Variants in DLG2 observed in about 807,000 individuals in gnomAD.
The protein encoded by DLG2 is discs large MAGUK scaffold protein 2, also known as disks large homolog 2.
A neutral mutation model predicts 132.5 loss-of-function variants in DLG2; 45 were observed. That is an observed-to-expected ratio of 0.34 (90% CI 0.27 to 0.44). DLG2 has a LOEUF of 0.44. Among genes scored for constraint, DLG2 ranks in the 20% least tolerant of loss-of-function variants. The probability of loss-of-function intolerance (pLI) is 1.00; values close to 1 mark genes in which losing one functional copy is unlikely to be tolerated. For missense variants in DLG2, 1,045 were observed against 1,196.9 expected (o/e 0.87, Z 1.87); for synonymous variants, 424 against 419.6 (o/e 1.01, Z -0.13).
intron 6 of DLG2, among the ~76,000 whole-genome samples, chr11:84,644,503 G>A (rs1019537501): frequency 2.0e-5 from 3 of 151,728 alleles, no homozygotes; most frequent in Non-Finnish European, 2.9e-5. Context: ...TCAGGAGATC[G>A]AGACCATCCT....
At chr11:84,625,861 C>G (rs529832859) in intron 6 of DLG2, among the ~76,000 whole-genome samples, 35 of 152,186 alleles carry the variant, frequency 2.3e-4, no homozygotes, top group African/African-American at 8.4e-4. Context: ...AGAGAATAAC[C>G]ACAAGTGCAG....
chr11:84,415,122 T>C (rs2154460496), intron 7 of DLG2, among the ~76,000 whole-genome samples: 1 of 152,326 alleles, frequency 6.6e-6, no homozygotes, highest in South Asian at 2.1e-4. Flanking sequence ...CAAACAGCTT[T>C]TATTTAATAA....
At chr11:85,372,855 G>C (rs76380137) in intron 3 of DLG2, among the ~76,000 whole-genome samples, 5,307 of 152,230 alleles carry the variant, frequency 0.035, 142 homozygotes, top group Admixed American at 0.049. Flanking sequence ...CCTGGTATCT[G>C]TTAGGAAGAG....
intron 3 of DLG2, among the ~76,000 whole-genome samples, chr11:85,574,567 TGGGAGGTA>T: frequency 6.6e-6 from 1 of 152,260 alleles, no homozygotes; most frequent in Middle Eastern, 3.4e-3. Flanking sequence ...ATCCCCAATA[TGGGAGGTA>T]GGGCCTAGTG....
At chr11:83,790,311 G>C (rs554801449) in intron 17 of DLG2, 3 of 905,560 alleles carry the variant, frequency 3.3e-6, no homozygotes, top group Non-Finnish European at 3.6e-6. Flanking sequence ...CCATGGGAGC[G>C]AAAGCTCAAG....
intron 7 of DLG2, among the ~76,000 whole-genome samples, chr11:84,408,671 A>G (rs1258150230): frequency 2.6e-5 from 4 of 152,240 alleles, no homozygotes; most frequent in Non-Finnish European, 5.9e-5. Context: ...CAAGAGCTTC[A>G]TGGAAGCAAG....
chr11:85,503,010 C>G (rs2093840843), intron 3 of DLG2, among the ~76,000 whole-genome samples: 1 of 152,046 alleles, frequency 6.6e-6, no homozygotes, highest in African/African-American at 2.4e-5. Flanking sequence ...CAAACTAACA[C>G]TATTCCCTAC....
intron 4 of DLG2, among the ~76,000 whole-genome samples, chr11:85,249,263 A>T (rs961002244): frequency 6.6e-6 from 1 of 152,018 alleles, no homozygotes; most frequent in African/African-American, 2.4e-5. Context: ...TGATATTTAC[A>T]TATTAATCAA....
In DLG2 at chr11:83,592,064, T is replaced by G. The variant is rs2097197541; in HGVS notation, c.1940+41147A>C. Among the ~76,000 whole-genome samples, 6 of 150,080 alleles carry G rather than the reference T, an allele frequency of 4.0e-5. No individual in the cohort carries two copies. In the South Asian group the frequency reaches 1.3e-3, roughly 33 times the overall value. On this transcript the variant is annotated intron_variant, in intron 19 of 27. Coordinates refer to ENST00000376104, the MANE Select transcript of DLG2 (RefSeq NM_001142699.3). Reference sequence around the variant, plus strand: ...ATCAATATCGTGAAAATGGCCATACTGCCCAAGGTAATTTACAGATTCAAT... The same window carrying G: ...ATCAATATCGTGAAAATGGCCATACGGCCCAAGGTAATTTACAGATTCAAT...
At chr11:84,232,190 A>G (rs2097102854) in intron 8 of DLG2, among the ~76,000 whole-genome samples, 2 of 152,128 alleles carry the variant, frequency 1.3e-5, no homozygotes, top group African/African-American at 4.8e-5. Flanking sequence ...TTGCCATACT[A>G]TCTTTCTAAA....
chr11:84,400,496 A>G (rs954430159), intron 7 of DLG2, among the ~76,000 whole-genome samples: 16 of 152,136 alleles, frequency 1.1e-4, no homozygotes, highest in African/African-American at 1.4e-4. Flanking sequence ...TAGGGCTTCA[A>G]TGCTAATTTG....
At chr11:84,936,411 A>C (rs2048750920) in intron 6 of DLG2, among the ~76,000 whole-genome samples, 2 of 152,174 alleles carry the variant, frequency 1.3e-5, no homozygotes, top group Admixed American at 1.3e-4. Flanking sequence ...TTACTTAAAT[A>C]TTTCACTTAT....
At chr11:85,526,938 T>A (rs2074800817) in intron 3 of DLG2, among the ~76,000 whole-genome samples, 1 of 152,128 alleles carries the variant, frequency 6.6e-6, no homozygotes, top group Admixed American at 6.5e-5. Context: ...AGGATGTAAA[T>A]CACTTTTTCA....
At chr11:84,605,806 C>T (rs574441546) in intron 6 of DLG2, among the ~76,000 whole-genome samples, 3 of 152,084 alleles carry the variant, frequency 2.0e-5, no homozygotes, top group African/African-American at 7.2e-5. Flanking sequence ...CTCCTAAGTT[C>T]TCTTCAAATA....
At chr11:84,685,093 G>A (rs2099736971) in intron 6 of DLG2, among the ~76,000 whole-genome samples, 1 of 152,194 alleles carries the variant, frequency 6.6e-6, no homozygotes, top group Admixed American at 6.5e-5. Context: ...AAGAGACACA[G>A]AAACTAAGTT....
At chr11:84,610,348 T>C (rs561235471) in intron 6 of DLG2, among the ~76,000 whole-genome samples, 1 of 152,228 alleles carries the variant, frequency 6.6e-6, no homozygotes, top group Non-Finnish European at 1.5e-5. Flanking sequence ...TAAAAATTTT[T>C]TGCAAGATTT....
At chr11:84,307,619 C>A (rs1052059840) in intron 7 of DLG2, among the ~76,000 whole-genome samples, 2 of 150,140 alleles carry the variant, frequency 1.3e-5, no homozygotes, top group Middle Eastern at 3.2e-3. Flanking sequence ...TGGCGTGAAC[C>A]CGGGAAGCAG....
chr11:84,929,977 G>A (rs1277703313), intron 6 of DLG2, among the ~76,000 whole-genome samples: 1 of 151,966 alleles, frequency 6.6e-6, no homozygotes, highest in Non-Finnish European at 1.5e-5. Context: ...AGTGTAAAAA[G>A]CCTACTCTTC....
In DLG2 at chr11:85,413,625, T is replaced by A. The variant is rs542360617; in HGVS notation, c.41-128260A>T. 9.2e-5 allele frequency among the ~76,000 whole-genome samples: 14 copies of A among 152,226 alleles called. No individual in the cohort carries two copies. The South Asian group carries it at 2.7e-3, about 29-fold the overall frequency. The stretch of plus-strand genomic sequence containing the variant: ...CCAGTTTCATTCTCCTACATGTGGC[T>A]AGCCAATTATTCCAGCACCATTTGT... On this transcript the variant is annotated intron_variant, in intron 3 of 27. Transcript: ENST00000376104.
Sources: allele counts gnomAD v4.1 joint callset (sites outside exome capture counted in the v4.1 genomes callset), GRCh38; gene constraint gnomAD v4.1.1; transcripts MANE v1.5; gene names NCBI Gene and HGNC (gene_info 2026-07-23, HGNC 2026-07-21).